VWF: variants seen among roughly 807,000 people sequenced by gnomAD.
VWF encodes the protein Factor VIII related antigen.
Under a neutral mutation model 308.6 loss-of-function variants are expected in VWF, and 176 were observed. The ratio of observed to expected loss-of-function variants is 0.57; its 90% CI spans 0.50 to 0.65. VWF has a LOEUF of 0.65. Among genes scored for constraint, VWF ranks in the 30% least tolerant of loss-of-function variants. The probability of loss-of-function intolerance (pLI) is 0.00; values close to 1 mark genes in which losing one functional copy is unlikely to be tolerated. For missense variants in VWF, 3,146 were observed against 3,648.2 expected (o/e 0.86, Z 3.55); for synonymous variants, 1,385 against 1,443.4 (o/e 0.96, Z 0.92).
At chr12:6,111,080 A>G in intron 3 of VWF, 112 bp from the exon 4 acceptor site, 1 of 939,334 alleles carries the variant, frequency 1.1e-6, no homozygotes, top group Non-Finnish European at 1.7e-6. Context: ...CGCCCCAAAA[A>G]GTCTTTACAA....
intron 43 of VWF, among the ~76,000 whole-genome samples, chr12:5,972,329 T>C (rs577088856): frequency 2.6e-5 from 4 of 152,322 alleles, no homozygotes; most frequent in South Asian, 2.1e-4. Context: ...ATCTTGCCTC[T>C]AGAAGGTCCT....
chr12:5,963,172 A>G (rs1943338855), intron 47 of VWF, among the ~76,000 whole-genome samples: 1 of 152,236 alleles, frequency 6.6e-6, no homozygotes, highest in African/African-American at 2.4e-5. Flanking sequence ...AGACACAATT[A>G]AGAAAAATAA....
intron 51 of VWF, 139 bp downstream of exon 51, chr12:5,949,647 A>G (rs1489817134): frequency 1.3e-6 from 1 of 781,244 alleles, no homozygotes; most frequent in Non-Finnish European, 2.0e-6. Flanking sequence ...ACATTTGCTT[A>G]AAAAAAAATG....
At position 5,995,982 on chromosome 12, in the gene VWF, C is replaced by T; in HGVS notation, c.6063+20G>A. 1 of 1,610,148 alleles carries T rather than the reference C, an allele frequency of 6.2e-7. No individual in the cohort carries two copies. The highest frequency in any genetic ancestry group is 8.5e-7 in the Non-Finnish European group (1 of 1,178,856). ...GACATTCTATTGCCTTACCACGGATCCACAGAAAGTACTTCTCACCTCCAT... is the reference window on the plus strand; with the variant it reads ...GACATTCTATTGCCTTACCACGGATTCACAGAAAGTACTTCTCACCTCCAT... On this transcript the variant is annotated intron_variant, in intron 35 of 51. Coordinates refer to ENST00000261405, the MANE Select transcript of VWF (RefSeq NM_000552.5).
At chr12:6,051,459 T>C (rs961212724) in intron 16 of VWF, among the ~76,000 whole-genome samples, 5 of 152,080 alleles carry the variant, frequency 3.3e-5, no homozygotes, top group Non-Finnish European at 7.4e-5. Flanking sequence ...ACCCAGCTAA[T>C]TTTTTGTATT....
At position 6,063,520 on chromosome 12, in the gene VWF, C is replaced by T. The variant is rs1163019988; in HGVS notation, c.1433-466G>A. Among the ~76,000 whole-genome samples the T allele has an allele frequency of 6.6e-6, 1 of 152,140 alleles. No individual in the cohort carries two copies. Among genetic ancestry groups the T allele is most frequent in the Non-Finnish European group, 1.5e-5 (1 of 68,022 alleles). ...GGGAAGGTGGCGACAGATAGGAGCA[C>T]ACCCCTTGCCCTGGGGGAACAAACA... On this transcript the variant is annotated intron_variant, in intron 12 of 51. Transcript: ENST00000261405. The surrounding 1 kb of genome is among the most constrained non-coding windows in gnomAD (Gnocchi z 4.9).
rs147611338 is a variant in VWF at position 6,050,693 on chromosome 12, C to T, written c.2186+1850G>A. On this transcript the variant is annotated intron_variant, in intron 16 of 51. Coordinates refer to ENST00000261405, the MANE Select transcript of VWF (RefSeq NM_000552.5). ...CAATCCTCCAGGCTGGGCGTGGTGG[C>T]TCATGCCTATAATCCCAGCACTCTG... 7.2e-5 allele frequency among the ~76,000 whole-genome samples: 11 copies of T among 152,334 alleles called. No individual in the cohort carries two copies. The East Asian group carries it at 2.1e-3, about 29-fold the overall frequency.
chr12:5,991,167 TCACACACACA>T (rs201361783), intron 38 of VWF, among the ~76,000 whole-genome samples: 158 of 134,972 alleles, frequency 1.2e-3, no homozygotes, highest in African/African-American at 3.2e-3. Context: ...CAAGGGATTC[TCACACACACA>T]CACACACACA....
intron 35 of VWF, among the ~76,000 whole-genome samples, 174 bp downstream of exon 35, chr12:5,995,828 C>G (rs1943802012): frequency 6.6e-6 from 1 of 152,082 alleles, no homozygotes; most frequent in South Asian, 2.1e-4. Context: ...GAAATCACGC[C>G]AAGACAAGGG....
intron 15 of VWF, among the ~76,000 whole-genome samples, 172 bp downstream of exon 15, chr12:6,056,685 G>A (rs1465807806): frequency 1.3e-5 from 2 of 152,338 alleles, no homozygotes; most frequent in East Asian, 3.9e-4. Flanking sequence ...CTGTCCTGCT[G>A]GGAGGTGGAA....
intron 38 of VWF, among the ~76,000 whole-genome samples, chr12:5,990,171 A>G (rs986916483): frequency 6.6e-6 from 1 of 152,236 alleles, no homozygotes. Flanking sequence ...ATAAGTGACT[A>G]TAAGTAATAG....
intron 6 of VWF, among the ~76,000 whole-genome samples, chr12:6,076,819 C>T (rs1436564595): frequency 6.6e-6 from 1 of 152,182 alleles, no homozygotes; most frequent in Non-Finnish European, 1.5e-5. Flanking sequence ...GGGCCAGGGG[C>T]CAGGCCTGTG....
In VWF at chr12:6,036,494, A is replaced by C. The variant is rs1225948059; in HGVS notation, c.2443-3T>G. Reference sequence around the variant, plus strand: ...ACACATCTGTTCTCATGCCGGACCTAAGAGAAAAGAATCCAAAAGTCCTCA... The same window carrying C: ...ACACATCTGTTCTCATGCCGGACCTCAGAGAAAAGAATCCAAAAGTCCTCA... On this transcript the variant is annotated splice_polypyrimidine_tract_variant and splice_region_variant and intron_variant, in intron 18 of 51. Transcript: ENST00000261405. 2.5e-6 allele frequency: 4 copies of C among 1,613,942 alleles called. No individual in the cohort carries two copies. The African/African-American group carries it at 5.3e-5, about 22-fold the overall frequency.
chr12:6,040,777 C>A (rs1390111454), intron 18 of VWF, among the ~76,000 whole-genome samples: 3 of 152,206 alleles, frequency 2.0e-5, no homozygotes, highest in African/African-American at 7.2e-5. Context: ...ATACAGCCTG[C>A]AGCTTGTGGG....
chr12:6,121,962 A>G (rs1417402258), intron 2 of VWF, among the ~76,000 whole-genome samples: 1 of 152,130 alleles, frequency 6.6e-6, no homozygotes, highest in African/African-American at 2.4e-5. Context: ...AAGAAAAGAA[A>G]AGACAAAGAA....
rs1943748776 is a variant in VWF at position 5,991,898 on chromosome 12, T to A, written c.6719A>T (p.Asp2240Val). ...ACAGCTGCCTTCCAACATGACTTTA[T>A]CTGGAGGGCAGAAACAGCCTTCGGA... ...HPSEGCFCPP[D>V]KVMLEGSCVP... is the part of the protein sequence containing the mutation. The change falls in exon 38 of 52, where the codon GAT becomes GTT. Residue 2240 changes from aspartate to valine, a missense_variant. Physicochemically the swap from Asp to Val is radical, Grantham distance 152. Coordinates refer to ENST00000261405, the MANE Select transcript of VWF (RefSeq NM_000552.5). The A allele has an allele frequency of 1.9e-6, 3 of 1,614,070 alleles. No homozygotes were observed. The highest frequency in any genetic ancestry group is 1.7e-6 in the Non-Finnish European group (2 of 1,180,056).
intron 28 of VWF, among the ~76,000 whole-genome samples, chr12:6,017,539 C>T (rs907625990): frequency 1.3e-5 from 2 of 152,082 alleles, no homozygotes; most frequent in African/African-American, 4.8e-5. Flanking sequence ...CCAAACACAC[C>T]GAATAAAGAT....
In VWF at chr12:5,994,001, G is replaced by T; in HGVS notation, c.6459C>A (p.Val2153=). 2 of 1,614,220 alleles carry T rather than the reference G, an allele frequency of 1.2e-6. No individual in the cohort carries two copies. Among genetic ancestry groups the T allele is most frequent in the South Asian group, 2.2e-5 (2 of 91,086 alleles). Residue 2153 remains valine, a synonymous_variant, in exon 37 of 52, where the codon GTC becomes GTA. Coordinates refer to ENST00000261405, the MANE Select transcript of VWF (RefSeq NM_000552.5). ...LLPLFAECHK[V]LAPATFYAIC... is the part of the protein sequence containing the mutation. The stretch of plus-strand genomic sequence containing the variant: ...TGGCATAGAATGTGGCTGGAGCCAG[G>T]ACCTTGTGGCATTCAGCAAACAGTG...
chr12:6,052,441 G>A (rs1944525845), intron 16 of VWF, 102 bp downstream of exon 16: 5 of 1,569,772 alleles, frequency 3.2e-6, no homozygotes, highest in Admixed American at 1.7e-5. Context: ...TTCCTTCCTT[G>A]GGCCCCAGTT....
Sources: gnomAD v4.1 joint callset for allele counts (sites outside exome capture counted in the v4.1 genomes callset) on GRCh38, gnomAD v4.1.1 for gene constraint, Gnocchi (gnomAD v3.1) non-coding constraint, MANE v1.5 for transcripts, NCBI Gene and HGNC (gene_info 2026-07-23, HGNC 2026-07-21) for gene names.